Variants in CSMD1 observed in about 807,000 individuals in gnomAD.
The protein encoded by CSMD1 is CUB and sushi domain-containing protein 1.
In CSMD1, 213 loss-of-function variants were observed where a neutral mutation model predicts 417.5. The ratio of observed to expected loss-of-function variants is 0.51; its 90% confidence interval spans 0.46 to 0.57. The LOEUF (loss-of-function observed/expected upper bound fraction) is 0.57, where lower values mean the gene tolerates loss of function less well. CSMD1 is among the 20% of genes least tolerant of loss of function. The pLI is 0.00. For missense variants in CSMD1, 6,923 were observed against 4,529.7 expected (o/e 1.53, Z -15.17); for synonymous variants, 2,862 against 1,736.8 (o/e 1.65, Z -16.11).
At chr8:3,313,881 C>A (rs902096964) in intron 23 of CSMD1, among the ~76,000 whole-genome samples, 5 of 152,112 alleles carry the variant, frequency 3.3e-5, no homozygotes, top group Admixed American at 6.5e-5. Context: ...AAATGTCCAA[C>A]AATGATAGAC....
At position 2,998,156 on chromosome 8, in the gene CSMD1, A is replaced by G. The variant is rs766163734; in HGVS notation, c.8232T>C (p.Pro2744=). The G allele has an allele frequency of 5.6e-6, 9 of 1,613,902 alleles. No homozygotes were observed. Among genetic ancestry groups the G allele is most frequent in the African/African-American group, 1.3e-5 (1 of 74,942 alleles). The change falls in exon 54 of 70, where the codon CCT becomes CCC. Residue 2744 remains proline (P), a synonymous_variant. Transcript: ENST00000635120. ...CACTGCCATTAGTGAATCCGTGGGC[A>G]GGGTTTCCAGGGTGACCACATGTGA... ...VPITCGHPGN[P]AHGFTNGSEF... is the part of the protein sequence containing the mutation.
intron 2 of CSMD1, among the ~76,000 whole-genome samples, chr8:4,510,435 T>C (rs1427810969): frequency 5.4e-5 from 5 of 93,094 alleles, no homozygotes; most frequent in Non-Finnish European, 6.7e-5. Flanking sequence ...AAATACTTTG[T>C]TCCAAACATA....
intron 12 of CSMD1, among the ~76,000 whole-genome samples, chr8:3,421,043 G>A (rs986692436): frequency 6.6e-6 from 1 of 152,098 alleles, no homozygotes; most frequent in Non-Finnish European, 1.5e-5. Context: ...TTTTACTGTG[G>A]TGGTGGTCAT....
intron 2 of CSMD1, among the ~76,000 whole-genome samples, chr8:4,434,057 G>A (rs1312623306): frequency 1.3e-5 from 2 of 152,100 alleles, no homozygotes; most frequent in African/African-American, 4.8e-5. Flanking sequence ...GGATCTAGGG[G>A]CTGGACATTG....
chr8:4,566,618 A>G (rs1585259222), intron 2 of CSMD1, among the ~76,000 whole-genome samples: 2 of 133,078 alleles, frequency 1.5e-5, no homozygotes, highest in Non-Finnish European at 3.1e-5. Flanking sequence ...GCACCACTGC[A>G]CTCCAGCCTG....
At chr8:4,700,735 C>T (rs1185615711) in intron 1 of CSMD1, among the ~76,000 whole-genome samples, 15 of 152,000 alleles carry the variant, frequency 9.9e-5, no homozygotes, top group Non-Finnish European at 5.9e-5. Context: ...AAAGTCAGCA[C>T]ATTTTATTAT....
chr8:3,153,282 C>T (rs111368737), intron 39 of CSMD1, among the ~76,000 whole-genome samples: 1 of 152,210 alleles, frequency 6.6e-6, no homozygotes, highest in Non-Finnish European at 1.5e-5. Context: ...GCATGAATAA[C>T]CCACCGCTTG....
chr8:3,036,159 C>T (rs1036678889), intron 50 of CSMD1, among the ~76,000 whole-genome samples: 1 of 152,180 alleles, frequency 6.6e-6, no homozygotes, highest in South Asian at 2.1e-4. Flanking sequence ...TAAGAAATAT[C>T]AGCCTTTAAT....
chr8:3,268,451 G>A (rs1349988347), intron 26 of CSMD1, among the ~76,000 whole-genome samples: 1 of 151,862 alleles, frequency 6.6e-6, no homozygotes, highest in Non-Finnish European at 1.5e-5. Context: ...ACCACGCCCA[G>A]CTGATTTTTT....
chr8:3,703,846 A>G (rs1801011566), intron 7 of CSMD1, among the ~76,000 whole-genome samples: 1 of 152,156 alleles, frequency 6.6e-6, no homozygotes, highest in Non-Finnish European at 1.5e-5. Flanking sequence ...CAAGGCAGGA[A>G]GATCACCTGA....
chr8:4,029,382 G>T (rs1430057890), intron 4 of CSMD1, among the ~76,000 whole-genome samples: 1 of 152,178 alleles, frequency 6.6e-6, no homozygotes, highest in Non-Finnish European at 1.5e-5. Context: ...TATGGCTGGG[G>T]AAGCCTCACA....
At chr8:4,174,271 T>G (rs547087833) in intron 3 of CSMD1, among the ~76,000 whole-genome samples, 2 of 152,156 alleles carry the variant, frequency 1.3e-5, no homozygotes, top group African/African-American at 4.8e-5. Flanking sequence ...TCAGCAAGAA[T>G]AGAGGCTAAG....
intron 1 of CSMD1, among the ~76,000 whole-genome samples, chr8:4,639,967 T>C (rs778774622): frequency 1.3e-5 from 2 of 152,188 alleles, no homozygotes; most frequent in African/African-American, 4.8e-5. Flanking sequence ...AAATAGCTTG[T>C]CTGCTTTACG....
intron 1 of CSMD1, among the ~76,000 whole-genome samples, chr8:4,954,908 G>C (rs1290088212): frequency 2.0e-5 from 3 of 152,156 alleles, no homozygotes; most frequent in Non-Finnish European, 4.4e-5. Context: ...CAAAATACCT[G>C]ATTGAAATGA....
At chr8:3,450,374 A>C (rs1018932187) in intron 12 of CSMD1, among the ~76,000 whole-genome samples, 1 of 151,632 alleles carries the variant, frequency 6.6e-6, no homozygotes, top group African/African-American at 2.4e-5. Context: ...GGTTTGTTAC[A>C]TATGTATACA....
intron 3 of CSMD1, among the ~76,000 whole-genome samples, chr8:4,372,408 C>T (rs1802448396): frequency 6.6e-6 from 1 of 152,044 alleles, no homozygotes; most frequent in Non-Finnish European, 1.5e-5. Flanking sequence ...ATCATTTCAT[C>T]TGTATTTGAC....
chr8:3,548,950 T>G (rs77610639), intron 10 of CSMD1, among the ~76,000 whole-genome samples: 10,453 of 152,114 alleles, frequency 0.069, 782 homozygotes, highest in African/African-American at 0.18. Flanking sequence ...CCTGTGCCTG[T>G]CCTGTCTTAA....
chr8:3,508,647 T>A (rs370042407), intron 10 of CSMD1, among the ~76,000 whole-genome samples: 1 of 152,232 alleles, frequency 6.6e-6, no homozygotes, highest in South Asian at 2.1e-4. Flanking sequence ...AATCACTCCT[T>A]CAGTCGGTTT....
chr8:4,615,117 C>G (rs569175829), intron 2 of CSMD1, among the ~76,000 whole-genome samples: 3 of 152,208 alleles, frequency 2.0e-5, no homozygotes, highest in Admixed American at 2.0e-4. Flanking sequence ...CTGCATGACA[C>G]AAAATAAGTG....
Sources: allele counts gnomAD v4.1 joint callset (sites outside exome capture counted in the v4.1 genomes callset), GRCh38; gene constraint gnomAD v4.1.1; transcripts MANE v1.5; gene names NCBI Gene and HGNC (gene_info 2026-07-23, HGNC 2026-07-21).